Variants in DNAJC22 observed in about 807,000 individuals in gnomAD.
DNAJC22 encodes the protein dnaJ homolog subfamily C member 22.
Under a neutral mutation model 22.2 loss-of-function variants are expected in DNAJC22, and 24 were observed. That is an observed-to-expected ratio of 1.08 (90% CI 0.78 to 1.52). The LOEUF is 1.52. Ranked by LOEUF, DNAJC22 falls within the 40% of genes most tolerant of loss-of-function variation. DNAJC22 has a pLI of 0.00. For missense variants in DNAJC22, 434 were observed against 421.7 expected, an observed-to-expected ratio of 1.03 and a Z score of -0.26; for synonymous variants, 160 against 167.4, an observed-to-expected ratio of 0.96 and a Z score of 0.34.
intron 3 of DNAJC22, chr12:49,351,092 T>C (rs1270066217): frequency 3.2e-6 from 3 of 930,620 alleles, no homozygotes; most frequent in Non-Finnish European, 2.6e-6. Flanking sequence ...ATCTAGAGCT[T>C]GTCTATGTTT....
Position 49,349,385 on chromosome 12 carries a change from T to C in DNAJC22, c.513T>C (p.Ala171=), listed in dbSNP as rs1209138539. 2.5e-6 allele frequency: 4 copies of C among 1,606,374 alleles called. No individual in the cohort carries two copies. Among genetic ancestry groups the C allele is most frequent in the Non-Finnish European group, 3.4e-6 (4 of 1,176,500 alleles). ...ITAQRHRRYK[A]LVASEPLSVR... is the part of the protein sequence containing the mutation. ...CTCAGAGGCATCGCCGCTACAAAGC[T>C]TTGGTGGCATCAGAGCCGCTCAGTG... is the stretch of plus-strand genomic sequence containing the variant. The change falls in exon 3 of 4, where the codon GCT becomes GCC. Residue 171 remains alanine (A), a synonymous_variant. Transcript: ENST00000549441.
intron 3 of DNAJC22, among the ~76,000 whole-genome samples, chr12:49,350,440 GCATCTTT>G (rs989706398): frequency 6.6e-6 from 1 of 151,264 alleles, no homozygotes; most frequent in African/African-American, 2.4e-5. Context: ...TTTGTATTTG[GCATCTTT>G]CATCTTTCAT....
At chr12:49,351,279 T>G (rs761208889) in intron 3 of DNAJC22, 38 bp from the exon 4 acceptor site, 1 of 1,612,404 alleles carries the variant, frequency 6.2e-7, no homozygotes, top group Non-Finnish European at 8.5e-7. Flanking sequence ...CCCTGACAAC[T>G]TGGGGGATTC....
At position 49,351,900 on chromosome 12, in the gene DNAJC22, CAAA is replaced by C. The variant is rs1471610984; in HGVS notation, c.*410_*412del. The C allele has an allele frequency of 3.2e-5, 3 of 94,834 alleles. No individual in the cohort carries two copies. Among genetic ancestry groups the C allele is most frequent in the Non-Finnish European group, 4.6e-5 (2 of 43,106 alleles). 5.9% of individuals were successfully genotyped at this position (94,834 alleles called of 1,614,324 possible). On this transcript the variant is annotated 3_prime_UTR_variant, in exon 4 of 4. Transcript: ENST00000549441. ...GGGCAACAAGAGTGAAACTCCGTCT[CAAA>C]AAAAAAAAAAAGAAAGAAAAACTGC...
chr12:49,350,700 G>T (rs998163947), intron 3 of DNAJC22, among the ~76,000 whole-genome samples: 2 of 149,108 alleles, frequency 1.3e-5, no homozygotes, highest in Admixed American at 1.3e-4. Flanking sequence ...GTTTCTCCAT[G>T]TTGGTCAGGC....
Position 49,349,978 on chromosome 12 carries a change from G to A in DNAJC22, c.840+266G>A, listed in dbSNP as rs527687994. On this transcript the variant is annotated intron_variant, in intron 3 of 3. Coordinates refer to ENST00000549441, the MANE Select transcript of DNAJC22 (RefSeq NM_001304944.2). ...AGGGATGGAACATTTCCAGCACTAA[G>A]AAGTTTCTTTTATTCCCCTTCTCAG... 29 of 744,906 alleles carry A rather than the reference G, an allele frequency of 3.9e-5. No homozygotes were observed. In the East Asian group the frequency reaches 3.6e-3, roughly 93 times the overall value. 46.1% of individuals were successfully genotyped at this position (744,906 alleles called of 1,614,324 possible). A position where few individuals can be genotyped will look rare whatever the true frequency, so the allele number is the denominator to read the frequency against.
chr12:49,350,104 T>G (rs917907588), intron 3 of DNAJC22, among the ~76,000 whole-genome samples: 3 of 150,634 alleles, frequency 2.0e-5, no homozygotes, highest in African/African-American at 7.4e-5. Context: ...TGAGATGGAG[T>G]CTCGCTGTGT....
chr12:49,348,369 C>T (rs1943727021), intron 2 of DNAJC22, among the ~76,000 whole-genome samples: 1 of 152,124 alleles, frequency 6.6e-6, no homozygotes, highest in East Asian at 1.9e-4. Context: ...ATCTCATGGC[C>T]TGGAGAGTTA....
Position 49,352,713 on chromosome 12 carries a change from T to C in DNAJC22, c.*1211T>C, listed in dbSNP as rs1943798289. On this transcript the variant is annotated 3_prime_UTR_variant, in exon 4 of 4. Coordinates refer to ENST00000549441, the MANE Select transcript of DNAJC22 (RefSeq NM_001304944.2). Reference sequence around the variant, plus strand: ...TCAAAATTTGAGAAAAATATTTTCATTCCATTTATGGGAGAACTTTCTAGC... The same window carrying C: ...TCAAAATTTGAGAAAAATATTTTCACTCCATTTATGGGAGAACTTTCTAGC... 1 of 152,204 alleles carries C rather than the reference T, an allele frequency of 6.6e-6. No homozygotes were observed. Among genetic ancestry groups the C allele is most frequent in the South Asian group, 2.1e-4 (1 of 4,832 alleles). The allele number at this position is 152,204 out of a possible 1,614,324, so 9.4% of individuals were successfully genotyped here. A position where few individuals can be genotyped will look rare whatever the true frequency, so the allele number is the denominator to read the frequency against.
At position 49,349,116 on chromosome 12, in the gene DNAJC22, G is replaced by C. The variant is rs1299323384; in HGVS notation, c.244G>C (p.Ala82Pro). The change falls in exon 3 of 4, where the codon GCT becomes CCT. Residue 82 changes from alanine (A) to proline (P), a missense_variant. Ala to Pro is a conservative substitution (Grantham distance 27). Transcript: ENST00000549441. The part of the protein sequence containing the change: ...VTPPLSPIRF[A>P]AQVIVGIYFG... ...ACCCCCTCTGAGTCCCATTCGCTTT[G>C]CTGCCCAGGTGATAGTTGGCATCTA... The C allele has an allele frequency of 6.2e-7, 1 of 1,614,170 alleles. No individual in the cohort carries two copies. Among genetic ancestry groups the C allele is most frequent in the East Asian group, 2.2e-5 (1 of 44,888 alleles).
chr12:49,349,617 G>T lies in DNAJC22; in HGVS notation c.745G>T (p.Glu249Ter), dbSNP rs1328182384. The change falls in exon 3 of 4, where the codon GAG becomes TAG. Residue 249 changes from glutamate (E) to a stop codon, truncating the protein, a stop_gained. Transcript: ENST00000549441. LOFTEE classifies it high-confidence loss of function. ...CCGGATCTGGAGGCTACTGATGGGG[G>T]AGACTGGCTTCAACAGCAGCTGCTT... is the stretch of plus-strand genomic sequence containing the variant. ...PYRIWRLLMG[E>*]TGFNSSCFQE... 4 of 1,614,136 alleles carry T rather than the reference G, an allele frequency of 2.5e-6. No homozygotes were observed. The highest frequency in any genetic ancestry group is 1.3e-5 in the African/African-American group (1 of 74,942).
In DNAJC22 at chr12:49,349,575, GTCC is replaced by G. The variant is rs779568028; in HGVS notation, c.708_710del (p.Leu238del). 1,063 of 1,614,124 alleles carry G rather than the reference GTCC, an allele frequency of 6.6e-4. 1 individual carries two copies. Among genetic ancestry groups the G allele is most frequent in the Non-Finnish European group, 6.8e-4 (798 of 1,180,060 alleles). ...CCTTCTTGGCCGCCTCATGGAGTTT[GTCC>G]TCCTTCTGCCTTACCGGATCTGGAG... On this transcript the variant is annotated inframe_deletion, in exon 3 of 4. Coordinates refer to ENST00000549441, the MANE Select transcript of DNAJC22 (RefSeq NM_001304944.2).
chr12:49,350,726 G>A (rs559005428), intron 3 of DNAJC22, among the ~76,000 whole-genome samples: 260 of 151,850 alleles, frequency 1.7e-3, no homozygotes, highest in Non-Finnish European at 3.3e-3. Flanking sequence ...TCGAACTCCC[G>A]ACCTCAGGTG....
chr12:49,349,383 G>C lies in DNAJC22; in HGVS notation c.511G>C (p.Ala171Pro), dbSNP rs767939233. Residue 171 changes from alanine to proline, a missense_variant, in exon 3 of 4, where the codon GCT becomes CCT. Ala to Pro is a conservative substitution (Grantham distance 27). Coordinates refer to ENST00000549441, the MANE Select transcript of DNAJC22 (RefSeq NM_001304944.2). ...AGCTCAGAGGCATCGCCGCTACAAA[G>C]CTTTGGTGGCATCAGAGCCGCTCAG... ...ITAQRHRRYK[A>P]LVASEPLSVR... 6.2e-7 allele frequency: 1 copy of C among 1,606,272 alleles called. No homozygotes were observed. The highest frequency in any genetic ancestry group is 1.1e-5 in the South Asian group (1 of 90,228).
In DNAJC22 at chr12:49,352,948, C is replaced by T. The variant is rs1328078897; in HGVS notation, c.*1446C>T. 1 of 152,184 alleles carries T rather than the reference C, an allele frequency of 6.6e-6. No individual in the cohort carries two copies. 9.4% of individuals were successfully genotyped at this position (152,184 alleles called of 1,614,324 possible). A position where few individuals can be genotyped will look rare whatever the true frequency, so the allele number is the denominator to read the frequency against. Reference sequence around the variant, plus strand: ...TACAATCTGATGGGAGATAATGACACAGGTACACAGATATCAAAGCCCTTG... The same window carrying T: ...TACAATCTGATGGGAGATAATGACATAGGTACACAGATATCAAAGCCCTTG... On this transcript the variant is annotated 3_prime_UTR_variant, in exon 4 of 4. Transcript: ENST00000549441.
At chr12:49,350,656 G>A (rs1232901849) in intron 3 of DNAJC22, among the ~76,000 whole-genome samples, 3 of 151,282 alleles carry the variant, frequency 2.0e-5, no homozygotes, top group Admixed American at 6.6e-5. Context: ...GCGTCACCAC[G>A]CCAAATTAAT....
Position 49,347,179 on chromosome 12 carries a change from T to C in DNAJC22, c.-942T>C, listed in dbSNP as rs1943710759. On this transcript the variant is annotated 5_prime_UTR_variant, in exon 1 of 4. Coordinates refer to ENST00000549441, the MANE Select transcript of DNAJC22 (RefSeq NM_001304944.2). The stretch of plus-strand genomic sequence containing the variant: ...GAAGGCGTCTTGCATTGCAGCTCCG[T>C]TGCAGCGCAGAGGCGCAGGAAGGCA... 6.6e-6 allele frequency: 1 copy of C among 152,290 alleles called. No individual in the cohort carries two copies. The highest frequency in any genetic ancestry group is 2.4e-5 in the African/African-American group (1 of 41,464). The allele number at this position is 152,290 out of a possible 1,614,324, so 9.4% of individuals were successfully genotyped here.
At chr12:49,351,094 T>C (rs1943777996) in intron 3 of DNAJC22, 1 of 936,224 alleles carries the variant, frequency 1.1e-6, no homozygotes, top group Admixed American at 6.2e-5. Context: ...CTAGAGCTTG[T>C]CTATGTTTCA....
intron 3 of DNAJC22, 119 bp from the exon 4 acceptor site, chr12:49,351,198 C>A: frequency 6.6e-7 from 1 of 1,521,470 alleles, no homozygotes; most frequent in East Asian, 2.5e-5. Flanking sequence ...ACCTTTCCCA[C>A]GGGCAAGTAG....
Sources: gnomAD v4.1 joint callset for allele counts (sites outside exome capture counted in the v4.1 genomes callset) on GRCh38, gnomAD v4.1.1 for gene constraint, MANE v1.5 for transcripts, NCBI Gene and HGNC (gene_info 2026-07-23, HGNC 2026-07-21) for gene names.